Variants in APBB1IP observed in about 807,000 individuals in gnomAD.
APBB1IP encodes the protein amyloid beta precursor protein binding family B member 1 interacting protein.
Under a neutral mutation model 64.9 loss-of-function variants are expected in APBB1IP, and 27 were observed. The ratio of observed to expected loss-of-function variants is 0.42; its 90% confidence interval spans 0.31 to 0.57. APBB1IP has a LOEUF of 0.57. APBB1IP is among the 20% of genes least tolerant of loss of function. The pLI is 0.20. For synonymous variants in APBB1IP, 392 were observed against 331.0 expected (o/e 1.18, Z -2.00); for missense variants, 812 against 845.5 (o/e 0.96, Z 0.49).
chr10:26,527,671 A>T, intron 8 of APBB1IP, among the ~76,000 whole-genome samples: 1 of 143,222 alleles, frequency 7.0e-6, no homozygotes, highest in Admixed American at 7.0e-5. Flanking sequence ...ACTTAGATTT[A>T]GGTAGGTCCA....
intron 5 of APBB1IP, among the ~76,000 whole-genome samples, chr10:26,502,697 T>G (rs1836121452): frequency 6.6e-6 from 1 of 152,094 alleles, no homozygotes; most frequent in African/African-American, 2.4e-5. Context: ...AGAACCCCTT[T>G]AAGAATCTAA....
chr10:26,505,550 G>T (rs1188849255), intron 6 of APBB1IP, among the ~76,000 whole-genome samples: 2 of 151,720 alleles, frequency 1.3e-5, no homozygotes, highest in Non-Finnish European at 2.9e-5. Context: ...TCACTATGTT[G>T]CCCAGGTTGG....
Position 26,567,526 on chromosome 10 carries a change from G to A in APBB1IP, c.*38G>A. The A allele has an allele frequency of 1.3e-6, 2 of 1,524,060 alleles. No individual in the cohort carries two copies. Among genetic ancestry groups the A allele is most frequent in the Non-Finnish European group, 1.8e-6 (2 of 1,121,104 alleles). 94.4% of individuals were successfully genotyped at this position (1,524,060 alleles called of 1,614,324 possible). ...TGAGTGTTCCAGAGGGAGAAGCATCGCTGACCCCGAGCGCAGGTTTTGCTA... is the reference window on the plus strand; with the variant it reads ...TGAGTGTTCCAGAGGGAGAAGCATCACTGACCCCGAGCGCAGGTTTTGCTA... On this transcript the variant is annotated 3_prime_UTR_variant, in exon 15 of 15. Coordinates refer to ENST00000376236, the MANE Select transcript of APBB1IP (RefSeq NM_019043.4).
At chr10:26,495,197 G>C (rs1052989859) in intron 3 of APBB1IP, among the ~76,000 whole-genome samples, 2 of 151,590 alleles carry the variant, frequency 1.3e-5, no homozygotes, top group Non-Finnish European at 2.9e-5. Flanking sequence ...TAATAGAGAC[G>C]GGGTTTCACC....
intron 8 of APBB1IP, among the ~76,000 whole-genome samples, chr10:26,521,819 C>T (rs774280160): frequency 4.6e-5 from 7 of 152,066 alleles, no homozygotes; most frequent in African/African-American, 1.2e-4. Context: ...GGCATGATTA[C>T]GACTCACTGC....
intron 2 of APBB1IP, among the ~76,000 whole-genome samples, chr10:26,473,251 C>G (rs540531478): frequency 1.8e-4 from 27 of 152,294 alleles, no homozygotes; most frequent in Non-Finnish European, 2.4e-4. Flanking sequence ...AACAACTTCT[C>G]TTGAATTCCA....
intron 4 of APBB1IP, among the ~76,000 whole-genome samples, chr10:26,497,365 C>T (rs1320056462): frequency 5.3e-5 from 8 of 151,768 alleles, no homozygotes; most frequent in Non-Finnish European, 7.4e-5. Flanking sequence ...TCCTGGCTAA[C>T]ACGGTGAAAC....
chr10:26,450,250 T>A (rs1183115446), intron 2 of APBB1IP, among the ~76,000 whole-genome samples: 1 of 152,234 alleles, frequency 6.6e-6, no homozygotes, highest in Non-Finnish European at 1.5e-5. Context: ...CTTAGAATAA[T>A]GCCTGGCATG....
intron 2 of APBB1IP, among the ~76,000 whole-genome samples, chr10:26,471,386 A>T (rs1179484025): frequency 6.6e-6 from 1 of 152,204 alleles, no homozygotes. Flanking sequence ...ATCATTCTGA[A>T]TGTGGGAGGT....
chr10:26,474,888 T>G (rs2132417815), intron 2 of APBB1IP, among the ~76,000 whole-genome samples: 1 of 152,368 alleles, frequency 6.6e-6, no homozygotes, highest in South Asian at 2.1e-4. Flanking sequence ...TTAACCAAGC[T>G]AAAGGTAGGT....
At chr10:26,461,424 T>A (rs1835590881) in intron 2 of APBB1IP, among the ~76,000 whole-genome samples, 1 of 152,192 alleles carries the variant, frequency 6.6e-6, no homozygotes, top group Non-Finnish European at 1.5e-5. Context: ...TACATCAAAT[T>A]TAAATTCTGA....
intron 4 of APBB1IP, among the ~76,000 whole-genome samples, chr10:26,498,645 T>C (rs1836058524): frequency 6.6e-6 from 1 of 152,230 alleles, no homozygotes; most frequent in Non-Finnish European, 1.5e-5. Flanking sequence ...CAATTAAAGT[T>C]AAAATTTAAT....
intron 6 of APBB1IP, among the ~76,000 whole-genome samples, chr10:26,506,965 T>C (rs1836187453): frequency 6.6e-6 from 1 of 151,958 alleles, no homozygotes; most frequent in Non-Finnish European, 1.5e-5. Flanking sequence ...GCTGGATGCA[T>C]GTGGGTGTGG....
At chr10:26,492,222 AGC>A (rs1835963900) in intron 2 of APBB1IP, 103 bp from the exon 3 acceptor site, 12 of 973,312 alleles carry the variant, frequency 1.2e-5, no homozygotes, top group Non-Finnish European at 1.8e-5. Context: ...CTCCCAACTT[AGC>A]TGCCCATGGA....
intron 7 of APBB1IP, among the ~76,000 whole-genome samples, chr10:26,512,484 T>C (rs1486559646): frequency 6.6e-6 from 1 of 152,176 alleles, no homozygotes; most frequent in Admixed American, 6.6e-5. Context: ...ACTGGCTTAG[T>C]CTCTGATGCT....
At chr10:26,446,029 G>A (rs1185212855) in intron 2 of APBB1IP, among the ~76,000 whole-genome samples, 2 of 152,198 alleles carry the variant, frequency 1.3e-5, no homozygotes, top group African/African-American at 4.8e-5. Flanking sequence ...CAGAAGTTCA[G>A]TCTTTCAAGT....
intron 2 of APBB1IP, among the ~76,000 whole-genome samples, chr10:26,447,586 G>A (rs1435144031): frequency 2.0e-5 from 3 of 152,238 alleles, no homozygotes; most frequent in East Asian, 1.9e-4. Context: ...CAACATATTT[G>A]AGTCAAATAC....
intron 11 of APBB1IP, among the ~76,000 whole-genome samples, chr10:26,553,490 A>G (rs1445493180): frequency 8.5e-5 from 13 of 152,116 alleles, no homozygotes; most frequent in Non-Finnish European, 1.0e-4. Flanking sequence ...CGTCTCTACA[A>G]AAAATTTAAA....
Position 26,496,399 on chromosome 10 carries a change from T to C in APBB1IP, c.160+8T>C. On this transcript the variant is annotated splice_region_variant and intron_variant, in intron 4 of 14. Transcript: ENST00000376236. ...GGTTTAAAGATTTAAATGGTAAGCATAACAATTTCTTTTCTTAAGTAATTC... is the reference window on the plus strand; with the variant it reads ...GGTTTAAAGATTTAAATGGTAAGCACAACAATTTCTTTTCTTAAGTAATTC... 1 of 1,591,440 alleles carries C rather than the reference T, an allele frequency of 6.3e-7. No individual in the cohort carries two copies. Among genetic ancestry groups the C allele is most frequent in the Non-Finnish European group, 8.6e-7 (1 of 1,161,054 alleles).
Sources: gnomAD v4.1 joint callset for allele counts (sites outside exome capture counted in the v4.1 genomes callset) on GRCh38, gnomAD v4.1.1 for gene constraint, MANE v1.5 for transcripts, NCBI Gene and HGNC (gene_info 2026-07-23, HGNC 2026-07-21) for gene names.